GRIN2A: variants seen among roughly 807,000 people sequenced by gnomAD.
The protein encoded by GRIN2A is glutamate ionotropic receptor NMDA type subunit 2A, also known as glutamate receptor ionotropic, NMDA 2A.
GRIN2A carries 22 observed loss-of-function variants against 113.4 expected under a neutral mutation model. The ratio of observed to expected loss-of-function variants is 0.19; its 90% CI spans 0.14 to 0.28. GRIN2A has a LOEUF of 0.28. Ranked by LOEUF, GRIN2A falls within the 10% of genes least tolerant of loss-of-function variation. The pLI, the probability that GRIN2A is intolerant of heterozygous loss-of-function variation, is 1.00. For missense variants in GRIN2A, 1,502 were observed against 1,887.0 expected, an observed-to-expected ratio of 0.80 and a Z score of 3.78; for synonymous variants, 827 against 738.4, an observed-to-expected ratio of 1.12 and a Z score of -1.94.
chr16:9,896,314 G>T (rs983127415), intron 3 of GRIN2A, among the ~76,000 whole-genome samples: 18 of 152,182 alleles, frequency 1.2e-4, no homozygotes, highest in Non-Finnish European at 2.1e-4. Flanking sequence ...CTCCCAAAGT[G>T]CTGGGATTAC....
chr16:10,006,218 A>G (rs1031259388), intron 2 of GRIN2A, among the ~76,000 whole-genome samples: 1 of 152,228 alleles, frequency 6.6e-6, no homozygotes, highest in African/African-American at 2.4e-5. Context: ...CAGGACTGCA[A>G]TGAAATCGTC....
At chr16:10,158,418 G>A (rs1309138986) in intron 2 of GRIN2A, among the ~76,000 whole-genome samples, 6 of 152,252 alleles carry the variant, frequency 3.9e-5, no homozygotes, top group African/African-American at 1.2e-4. Flanking sequence ...TCACTCTTGG[G>A]TATAAATCCA....
chr16:10,058,217 G>A (rs2047487943), intron 2 of GRIN2A, among the ~76,000 whole-genome samples: 1 of 151,668 alleles, frequency 6.6e-6, no homozygotes, highest in African/African-American at 2.4e-5. Flanking sequence ...ATCAAGCCTT[G>A]CACTCCAGCC....
chr16:10,151,512 G>C (rs1453203886), intron 2 of GRIN2A, among the ~76,000 whole-genome samples: 1 of 152,112 alleles, frequency 6.6e-6, no homozygotes, highest in African/African-American at 2.4e-5. Flanking sequence ...GTTCCCTAGG[G>C]ACTCAATTCA....
rs549260787 is a variant in GRIN2A, at chr16:9,807,559, G to GT, written c.2169-9096dup. Among the ~76,000 whole-genome samples the GT allele has an allele frequency of 4.3e-3, 655 of 152,268 alleles. 8 individuals carry two copies. The highest frequency in any genetic ancestry group is 0.015 in the African/African-American group (610 of 41,552). ...AATGATTGTCCAAGTCCATCTAGCT[G>GT]TAAGTACTTTGTTTCTGTTAAATGT... is the stretch of plus-strand genomic sequence containing the variant. On this transcript the variant is annotated intron_variant, in intron 10 of 12. Coordinates refer to ENST00000330684, the MANE Select transcript of GRIN2A (RefSeq NM_001134407.3).
intron 3 of GRIN2A, among the ~76,000 whole-genome samples, chr16:9,918,486 G>C (rs1426666381): frequency 6.6e-6 from 1 of 152,100 alleles, no homozygotes; most frequent in Non-Finnish European, 1.5e-5. Context: ...TTAAAATACT[G>C]TATTGTATAT....
intron 4 of GRIN2A, among the ~76,000 whole-genome samples, chr16:9,879,455 C>T (rs1451396820): frequency 6.6e-6 from 1 of 152,136 alleles, no homozygotes; most frequent in Non-Finnish European, 1.5e-5. Context: ...CATGCATCTG[C>T]CAGAGAATCA....
At position 10,034,535 on chromosome 16, in the gene GRIN2A, C is replaced by CAAAA. The variant is rs58076569; in HGVS notation, c.415-95988_415-95985dup. On this transcript the variant is annotated intron_variant, in intron 2 of 12. Coordinates refer to ENST00000330684, the MANE Select transcript of GRIN2A (RefSeq NM_001134407.3). ...AGTGAGACCCCACGTCAAAAAAAAG[C>CAAAA]AAAAAAAAAAAAAAAAAAAAAAAAA... Among the ~76,000 whole-genome samples, 26 of 36,420 alleles carry CAAAA rather than the reference C, an allele frequency of 7.1e-4. 1 individual carries two copies. Among genetic ancestry groups the CAAAA allele is most frequent in the African/African-American group, 1.2e-3 (11 of 8,978 alleles). The allele number at this position is 36,420 out of a possible 152,430, so 23.9% of individuals were successfully genotyped here.
At chr16:10,175,437 C>A (rs1185792072) in intron 2 of GRIN2A, among the ~76,000 whole-genome samples, 3 of 152,076 alleles carry the variant, frequency 2.0e-5, no homozygotes, top group Admixed American at 6.5e-5. Flanking sequence ...CCTGAGCATG[C>A]AACTAAATAG....
chr16:9,916,879 T>C (rs2044263030), intron 3 of GRIN2A, among the ~76,000 whole-genome samples: 2 of 152,206 alleles, frequency 1.3e-5, no homozygotes, highest in Admixed American at 1.3e-4. Flanking sequence ...GTGATGAGCA[T>C]CCTTTTGGCA....
chr16:10,141,789 T>C (rs534251993), intron 2 of GRIN2A, among the ~76,000 whole-genome samples: 1 of 152,356 alleles, frequency 6.6e-6, no homozygotes, highest in South Asian at 2.1e-4. Context: ...CCAAGGGCTA[T>C]TTTCCACATT....
chr16:10,174,465 C>A (rs2142368281), intron 2 of GRIN2A, among the ~76,000 whole-genome samples: 1 of 152,278 alleles, frequency 6.6e-6, no homozygotes, highest in African/African-American at 2.4e-5. Context: ...GAACATCCAA[C>A]TAACTGATTC....
intron 10 of GRIN2A, among the ~76,000 whole-genome samples, chr16:9,804,292 C>T (rs547786777): frequency 2.0e-4 from 31 of 152,220 alleles, no homozygotes; most frequent in South Asian, 4.1e-4. Context: ...CTCAGAGTGA[C>T]GTGTTAGGCT....
At chr16:9,985,502 A>G (rs1451437044) in intron 2 of GRIN2A, among the ~76,000 whole-genome samples, 1 of 152,208 alleles carries the variant, frequency 6.6e-6, no homozygotes, top group Non-Finnish European at 1.5e-5. Flanking sequence ...GGAGTACTGT[A>G]CAGCCATGAA....
intron 10 of GRIN2A, chr16:9,805,656 A>T (rs1023013933): frequency 3.3e-5 from 5 of 152,216 alleles, no homozygotes; most frequent in Non-Finnish European, 7.3e-5. Context: ...ATGGGAAATA[A>T]ATAATAACTT....
chr16:10,011,160 G>A (rs1287223693), intron 2 of GRIN2A, among the ~76,000 whole-genome samples: 1 of 152,172 alleles, frequency 6.6e-6, no homozygotes, highest in East Asian at 1.9e-4. Flanking sequence ...GGTAATAGTT[G>A]TGCCTGCATT....
chr16:10,040,799 T>C (rs1283242181), intron 2 of GRIN2A, among the ~76,000 whole-genome samples: 1 of 152,232 alleles, frequency 6.6e-6, no homozygotes, highest in African/African-American at 2.4e-5. Flanking sequence ...TCTGCCTCTG[T>C]TCCTGAATAA....
At chr16:10,173,672 G>A (rs2050088131) in intron 2 of GRIN2A, among the ~76,000 whole-genome samples, 1 of 152,178 alleles carries the variant, frequency 6.6e-6, no homozygotes, top group South Asian at 2.1e-4. Context: ...TACTGAAAAG[G>A]ATGCCCCTAT....
At chr16:10,076,832 G>A (rs1350189522) in intron 2 of GRIN2A, among the ~76,000 whole-genome samples, 1 of 152,202 alleles carries the variant, frequency 6.6e-6, no homozygotes, top group Non-Finnish European at 1.5e-5. Context: ...GGATATGTGT[G>A]TAGTAGGCAG....
Sources: allele counts gnomAD v4.1 joint callset (sites outside exome capture counted in the v4.1 genomes callset), GRCh38; gene constraint gnomAD v4.1.1; transcripts MANE v1.5; gene names NCBI Gene and HGNC (gene_info 2026-07-23, HGNC 2026-07-21).